The following LHX3 variants were observed in gnomAD, a reference collection of about 807,000 sequenced individuals.
LHX3 encodes LIM/homeobox protein Lhx3.
A neutral mutation model predicts 32.4 loss-of-function variants in LHX3; 21 were observed. The ratio of observed to expected loss-of-function variants is 0.65; its 90% CI spans 0.46 to 0.93. LHX3 has a LOEUF of 0.93. LHX3 is among the 40% of genes least tolerant of loss of function. The probability of loss-of-function intolerance (pLI) is 0.00; values close to 1 mark genes in which losing one functional copy is unlikely to be tolerated. For synonymous variants in LHX3, 258 were observed against 246.8 expected (o/e 1.05, Z -0.43); for missense variants, 626 against 560.0 (o/e 1.12, Z -1.19).
At chr9:136,203,780 C>T (rs1831701036) in intron 1 of LHX3, among the ~76,000 whole-genome samples, 1 of 152,246 alleles carries the variant, frequency 6.6e-6, no homozygotes, top group Non-Finnish European at 1.5e-5. Context: ...GGGGAAGCCC[C>T]AGGGCACACC....
Position 136,199,047 on chromosome 9 carries a change from G to A in LHX3, c.467C>T (p.Thr156Met), listed in dbSNP as rs1323412787. 1.3e-6 allele frequency: 2 copies of A among 1,566,876 alleles called. No homozygotes were observed. Among genetic ancestry groups the A allele is most frequent in the Non-Finnish European group, 1.7e-6 (2 of 1,163,070 alleles). The part of the protein sequence containing the change: ...ETAKQREAEA[T>M]AKRPRTTITA... ...GATGGTCGTGCGCGGCCGCTTGGCC[G>A]TGGCCTCGGCCTCTGCGCGGCGGGC... Residue 156 changes from threonine (T) to methionine (M), a missense_variant, in exon 4 of 6, where the codon ACG becomes ATG. Thr to Met is a moderately conservative substitution (Grantham distance 81, BLOSUM62 -1). Coordinates refer to ENST00000371748, the MANE Select transcript of LHX3 (RefSeq NM_178138.6).
chr9:136,197,773 C>T, intron 5 of LHX3, 30 bp from the exon 6 acceptor site: 3 of 1,596,896 alleles, frequency 1.9e-6, no homozygotes, highest in Non-Finnish European at 2.5e-6. Flanking sequence ...TCAGTCAGCG[C>T]CTGCCCTCCA....
chr9:136,202,901 G>A, intron 1 of LHX3: 1 of 1,525,836 alleles, frequency 6.6e-7, no homozygotes, highest in African/African-American at 1.4e-5. Context: ...AAGGCCTGAG[G>A]ATCTCCTGGT....
intron 2 of LHX3, 104 bp downstream of exon 2, chr9:136,200,478 G>T (rs1057099689): frequency 1.5e-5 from 20 of 1,306,372 alleles, no homozygotes; most frequent in Non-Finnish European, 2.0e-5. Context: ...GGGATTGCGA[G>T]AGACGCAGGC....
rs1261178919 is a variant in LHX3, at chr9:136,200,600, C to T, written c.233G>A (p.Cys78Tyr). Residue 78 changes from cysteine (C) to tyrosine (Y), a missense_variant, in exon 2 of 6, where the codon TGC becomes TAC. Coordinates refer to ENST00000371748, the MANE Select transcript of LHX3 (RefSeq NM_178138.6). ...GGCTCACTTGAAAAAGTCGTCCTTGCAGTAAACGCTCTCCCCTCGGCTGAA... is the reference window on the plus strand; with the variant it reads ...GGCTCACTTGAAAAAGTCGTCCTTGTAGTAAACGCTCTCCCCTCGGCTGAA... ...RCFSRGESVY[C>Y]KDDFFKRFGT... The T allele has an allele frequency of 2.5e-6, 4 of 1,613,478 alleles. No homozygotes were observed. The highest frequency in any genetic ancestry group is 3.4e-6 in the Non-Finnish European group (4 of 1,180,018).
chr9:136,203,107 C>A, intron 1 of LHX3: 1 of 1,453,580 alleles, frequency 6.9e-7, no homozygotes, highest in Non-Finnish European at 9.0e-7. Context: ...CGCCACCCCG[C>A]AATAGCCCCG....
chr9:136,199,569 CCTTAGTGAGCG>C (rs1250221335), intron 3 of LHX3, 98 bp downstream of exon 3: 4 of 1,214,036 alleles, frequency 3.3e-6, no homozygotes, highest in Non-Finnish European at 4.8e-6. Flanking sequence ...GCCCAGGCCC[CCTTAGTGAGCG>C]CTTGGGGAGA....
Position 136,197,678 on chromosome 9 carries a change from G to A in LHX3, c.841C>T (p.Gln281Ter). The A allele has an allele frequency of 6.2e-7, 1 of 1,606,562 alleles. No individual in the cohort carries two copies. Among genetic ancestry groups the A allele is most frequent in the Non-Finnish European group, 8.5e-7 (1 of 1,179,152 alleles). Residue 281 changes from glutamine to a stop codon, truncating the protein, a stop_gained, in exon 6 of 6, where the codon CAG (glutamine) becomes TAG (stop). Transcript: ENST00000371748. LOFTEE classifies it low-confidence loss of function (END_TRUNC). ...GLYGSLGEPT[Q>*]ALGRPSGALG... ...GCTCCCGAGGGCCGGCCCAAGGCCT[G>A]GGTGGGTTCCCCCAAGCTCCCGTAG...
intron 5 of LHX3, 61 bp downstream of exon 5, chr9:136,198,591 C>T: frequency 1.3e-6 from 2 of 1,518,028 alleles, no homozygotes; most frequent in Non-Finnish European, 8.9e-7. Context: ...CTCCCTGGGA[C>T]CCCTGCGACC....
At chr9:136,204,901 C>T (rs760511723) in intron 1 of LHX3, 33 bp downstream of exon 1, 13 of 1,561,102 alleles carry the variant, frequency 8.3e-6, no homozygotes, top group Middle Eastern at 1.7e-4. Context: ...CCGCCCTTGC[C>T]GTTTCTGTCC....
intron 3 of LHX3, among the ~76,000 whole-genome samples, chr9:136,199,446 C>G (rs1168831841): frequency 6.6e-6 from 1 of 152,268 alleles, no homozygotes; most frequent in Non-Finnish European, 1.5e-5. Flanking sequence ...GCGATAATTC[C>G]GACCAGGGGC....
At position 136,198,718 on chromosome 9, in the gene LHX3, C is replaced by A. The variant is rs753864286; in HGVS notation, c.709G>T (p.Gly237Cys). 1.9e-6 allele frequency: 3 copies of A among 1,611,478 alleles called. No individual in the cohort carries two copies. The highest frequency in any genetic ancestry group is 1.7e-5 in the Admixed American group (1 of 59,996). Residue 237 changes from glycine to cysteine, a missense_variant, in exon 5 of 6, where the codon GGC becomes TGC. By Grantham distance (159) the Gly-to-Cys change is radical (BLOSUM62 -3). Coordinates refer to ENST00000371748, the MANE Select transcript of LHX3 (RefSeq NM_178138.6). ...ACGCTGTCCTTGTCCGACTTGGAGCCGCCGCGGGAGCGCTTCATGTTGCGG... is the reference window on the plus strand; with the variant it reads ...ACGCTGTCCTTGTCCGACTTGGAGCAGCCGCGGGAGCGCTTCATGTTGCGG... ...YFRNMKRSRG[G>C]SKSDKDSVQE... is the part of the protein sequence containing the mutation.
At chr9:136,199,124 C>T in intron 3 of LHX3, 65 bp from the exon 4 acceptor site, 1 of 988,156 alleles carries the variant, frequency 1.0e-6, no homozygotes, top group East Asian at 3.7e-5. Flanking sequence ...CCCAGCCCTC[C>T]CACCCCGGCC....
intron 1 of LHX3, chr9:136,201,333 G>T (rs935269250): frequency 5.3e-4 from 664 of 1,258,932 alleles, no homozygotes; most frequent in Non-Finnish European, 6.4e-4. Context: ...TTACTTATGA[G>T]TGGACTGGAC....
chr9:136,202,400 G>C (rs564454690), intron 1 of LHX3, among the ~76,000 whole-genome samples: 2 of 152,276 alleles, frequency 1.3e-5, no homozygotes, highest in South Asian at 4.2e-4. Flanking sequence ...GGTGCCACCA[G>C]GAAGCTGGGG....
At position 136,196,543 on chromosome 9, in the gene LHX3, CA is replaced by C. The variant is rs1436060571; in HGVS notation, c.*781del. 1 of 152,830 alleles carries C rather than the reference CA, an allele frequency of 6.5e-6. No individual in the cohort carries two copies. The highest frequency in any genetic ancestry group is 1.5e-5 in the Non-Finnish European group (1 of 68,148). 9.5% of individuals were successfully genotyped at this position (152,830 alleles called of 1,614,324 possible). A position where few individuals can be genotyped will look rare whatever the true frequency, so the allele number is the denominator to read the frequency against. ...CTGGGGCTGGCAGAGCCGGCTCCGG[CA>C]GGGAGGGCAGGCTGTTTGGCAACAG... On this transcript the variant is annotated 3_prime_UTR_variant, in exon 6 of 6. Coordinates refer to ENST00000371748, the MANE Select transcript of LHX3 (RefSeq NM_178138.6).
chr9:136,202,412 G>A (rs1176206680), intron 1 of LHX3, among the ~76,000 whole-genome samples: 1 of 152,202 alleles, frequency 6.6e-6, no homozygotes, highest in African/African-American at 2.4e-5. Flanking sequence ...AAGCTGGGGG[G>A]CCTGGAGAAG....
At chr9:136,201,714 C>A (rs1414833263) in intron 1 of LHX3, 28 of 986,014 alleles carry the variant, frequency 2.8e-5, no homozygotes, top group Non-Finnish European at 3.3e-5. Context: ...CGACCTCCGG[C>A]GGAAAAAACT....
rs1831597072 is a variant in LHX3, at chr9:136,199,884, CG to C, written c.252-5del. The stretch of plus-strand genomic sequence containing the variant: ...GGCGCACTTGGTCCCGAAGCGCCTG[CG>C]GGACGCACAGGGCCGGGCTCAGCGC... On this transcript the variant is annotated splice_polypyrimidine_tract_variant and splice_region_variant and intron_variant, in intron 2 of 5. Coordinates refer to ENST00000371748, the MANE Select transcript of LHX3 (RefSeq NM_178138.6). 3 of 1,582,046 alleles carry C rather than the reference CG, an allele frequency of 1.9e-6. No homozygotes were observed. The highest frequency in any genetic ancestry group is 2.6e-6 in the Non-Finnish European group (3 of 1,164,722).
Sources: gnomAD v4.1 joint callset for allele counts (sites outside exome capture counted in the v4.1 genomes callset) on GRCh38, gnomAD v4.1.1 for gene constraint, MANE v1.5 for transcripts, NCBI Gene and HGNC (gene_info 2026-07-23, HGNC 2026-07-21) for gene names.